Variants in KCTD8 observed in about 807,000 individuals in gnomAD.
KCTD8 encodes the protein BTB/POZ domain-containing protein KCTD8.
Under a neutral mutation model 31.5 loss-of-function variants are expected in KCTD8, and 27 were observed. The observed-to-expected ratio is 0.86, with a 90% CI of 0.63 to 1.18. KCTD8 has a LOEUF of 1.18. Ranked by LOEUF, KCTD8 falls within the 50% of genes most tolerant of loss-of-function variation. The pLI is 0.00. For synonymous variants in KCTD8, 290 were observed against 280.0 expected (o/e 1.04, Z -0.36); for missense variants, 658 against 647.7 (o/e 1.02, Z -0.17).
At chr4:44,242,440 C>A (rs965486049) in intron 1 of KCTD8, among the ~76,000 whole-genome samples, 2 of 151,842 alleles carry the variant, frequency 1.3e-5, no homozygotes, top group African/African-American at 4.8e-5. Flanking sequence ...TAGCTGGGCG[C>A]GGTGGCTGGC....
intron 1 of KCTD8, among the ~76,000 whole-genome samples, chr4:44,290,902 C>T (rs562344572): frequency 6.6e-6 from 1 of 151,708 alleles, no homozygotes; most frequent in Admixed American, 6.6e-5. Flanking sequence ...CCTAGAGGAA[C>T]CAGGGGAAAA....
intron 1 of KCTD8, among the ~76,000 whole-genome samples, chr4:44,181,779 C>T (rs974493313): frequency 3.3e-5 from 5 of 151,280 alleles, no homozygotes; most frequent in African/African-American, 1.2e-4. Flanking sequence ...TCTTCCCGGC[C>T]GCCATCCCAT....
intron 1 of KCTD8, among the ~76,000 whole-genome samples, chr4:44,378,540 A>G (rs528543553): frequency 6.6e-6 from 1 of 152,210 alleles, no homozygotes; most frequent in East Asian, 1.9e-4. Flanking sequence ...ATCACCTATC[A>G]TATTATGGTG....
chr4:44,371,167 C>T lies in KCTD8; in HGVS notation c.961+76396G>A, dbSNP rs994694168. 7.9e-5 allele frequency among the ~76,000 whole-genome samples: 12 copies of T among 152,066 alleles called. No individual in the cohort carries two copies. In the East Asian group the frequency reaches 2.1e-3, roughly 27 times the overall value. ...AGTTCAAGCAGATAAGGTGATTTTG[C>T]CCTTTCTCTTCCCCTTTGGTTGTAA... On this transcript the variant is annotated intron_variant, in intron 1 of 1. Coordinates refer to ENST00000360029, the MANE Select transcript of KCTD8 (RefSeq NM_198353.3).
At chr4:44,266,210 C>T (rs1438903139) in intron 1 of KCTD8, among the ~76,000 whole-genome samples, 1 of 152,156 alleles carries the variant, frequency 6.6e-6, no homozygotes, top group South Asian at 2.1e-4. Context: ...AGAAACTCTA[C>T]AAGCCAGAAG....
At chr4:44,266,881 C>G (rs1288833266) in intron 1 of KCTD8, among the ~76,000 whole-genome samples, 1 of 151,692 alleles carries the variant, frequency 6.6e-6, no homozygotes, top group East Asian at 1.9e-4. Flanking sequence ...CAGGAGCACC[C>G]AGATTCATAA....
chr4:44,225,536 G>C (rs1334866393), intron 1 of KCTD8, among the ~76,000 whole-genome samples: 1 of 151,774 alleles, frequency 6.6e-6, no homozygotes, highest in Non-Finnish European at 1.5e-5. Flanking sequence ...TTATCATATT[G>C]GATTTTTTCT....
At chr4:44,333,494 C>T (rs1231866247) in intron 1 of KCTD8, among the ~76,000 whole-genome samples, 1 of 152,096 alleles carries the variant, frequency 6.6e-6, no homozygotes, top group African/African-American at 2.4e-5. Flanking sequence ...CAGAGCTGAG[C>T]ACAAGCTGGG....
chr4:44,356,072 C>A (rs1365338141), intron 1 of KCTD8, among the ~76,000 whole-genome samples: 2 of 152,290 alleles, frequency 1.3e-5, no homozygotes, highest in East Asian at 1.9e-4. Context: ...TAACTTCTAG[C>A]CATACAGGCT....
intron 1 of KCTD8, among the ~76,000 whole-genome samples, chr4:44,410,248 C>T (rs1302511495): frequency 6.6e-6 from 1 of 151,976 alleles, no homozygotes; most frequent in Non-Finnish European, 1.5e-5. Flanking sequence ...AAGTATGGCC[C>T]GCTTGTTTGA....
intron 1 of KCTD8, among the ~76,000 whole-genome samples, chr4:44,442,897 T>C (rs923727267): frequency 5.3e-5 from 8 of 152,008 alleles, no homozygotes; most frequent in Admixed American, 3.9e-4. Context: ...TGCATAAAGA[T>C]TGACCCACAC....
intron 1 of KCTD8, among the ~76,000 whole-genome samples, chr4:44,250,056 T>C (rs1577574979): frequency 1.3e-5 from 2 of 151,912 alleles, no homozygotes; most frequent in South Asian, 4.1e-4. Flanking sequence ...CTCAACATCA[T>C]TTGTGCTTTT....
At chr4:44,175,391 G>T in intron 1 of KCTD8, 141 bp from the exon 2 acceptor site, 1 of 527,576 alleles carries the variant, frequency 1.9e-6, no homozygotes, top group Non-Finnish European at 3.2e-6. Context: ...TACTAGTCTA[G>T]GTTTGTGAGA....
intron 1 of KCTD8, among the ~76,000 whole-genome samples, chr4:44,439,615 T>C (rs942435653): frequency 6.6e-6 from 1 of 152,108 alleles, no homozygotes; most frequent in African/African-American, 2.4e-5. Flanking sequence ...TTAAGTATAT[T>C]TTAAGATGCC....
chr4:44,297,323 C>G (rs1717463924), intron 1 of KCTD8, among the ~76,000 whole-genome samples: 1 of 152,018 alleles, frequency 6.6e-6, no homozygotes, highest in African/African-American at 2.4e-5. Context: ...AATTAAATCA[C>G]ATTTTGGACT....
chr4:44,253,285 T>G (rs2109362366), intron 1 of KCTD8, among the ~76,000 whole-genome samples: 1 of 151,948 alleles, frequency 6.6e-6, no homozygotes, highest in East Asian at 1.9e-4. Flanking sequence ...CAGTTTTTTT[T>G]TCTTTTTAAT....
At chr4:44,366,963 A>T (rs1036516745) in intron 1 of KCTD8, among the ~76,000 whole-genome samples, 1 of 152,144 alleles carries the variant, frequency 6.6e-6, no homozygotes, top group African/African-American at 2.4e-5. Flanking sequence ...TATGGTAAAG[A>T]TAAAATGTTT....
chr4:44,213,758 G>A (rs1429766242), intron 1 of KCTD8, among the ~76,000 whole-genome samples: 1 of 152,064 alleles, frequency 6.6e-6, no homozygotes, highest in Non-Finnish European at 1.5e-5. Context: ...AAATCAATAT[G>A]AGCCATATAT....
At chr4:44,204,453 CCTGTT>C (rs1270753296) in intron 1 of KCTD8, among the ~76,000 whole-genome samples, 19 of 152,068 alleles carry the variant, frequency 1.2e-4, no homozygotes, top group Admixed American at 3.9e-4. Context: ...AAATCCCTGT[CCTGTT>C]CTGTTCTGTT....
Sources: allele counts gnomAD v4.1 joint callset (sites outside exome capture counted in the v4.1 genomes callset), GRCh38; gene constraint gnomAD v4.1.1; transcripts MANE v1.5; gene names NCBI Gene and HGNC (gene_info 2026-07-23, HGNC 2026-07-21).